The following GALNTL6 variants were observed in gnomAD, a reference collection of about 807,000 sequenced individuals.
The protein encoded by GALNTL6 is polypeptide N-acetylgalactosaminyltransferase-like 6.
Under a neutral mutation model 73.7 loss-of-function variants are expected in GALNTL6, and 46 were observed. That is an observed-to-expected ratio of 0.62 (90% CI 0.49 to 0.80). The LOEUF (loss-of-function observed/expected upper bound fraction) is 0.80. Ranked by LOEUF, GALNTL6 falls within the 30% of genes least tolerant of loss-of-function variation. GALNTL6 has a pLI of 0.00. For missense variants in GALNTL6, 604 were observed against 755.0 expected (o/e 0.80, Z 2.34); for synonymous variants, 259 against 263.7 (o/e 0.98, Z 0.17).
intron 5 of GALNTL6, among the ~76,000 whole-genome samples, chr4:172,402,836 A>T (rs1305216693): frequency 6.6e-6 from 1 of 152,088 alleles, no homozygotes; most frequent in Non-Finnish European, 1.5e-5. Context: ...GAACAAATTT[A>T]AAGTATACGA....
At chr4:173,005,986 C>A (rs139336523) in intron 10 of GALNTL6, among the ~76,000 whole-genome samples, 3 of 152,168 alleles carry the variant, frequency 2.0e-5, no homozygotes, top group Non-Finnish European at 1.5e-5. Context: ...AAAAACAAAA[C>A]AAGGCACTCC....
chr4:172,213,900 G>T (rs13122326), intron 2 of GALNTL6, among the ~76,000 whole-genome samples: 2,187 of 152,164 alleles, frequency 0.014, 56 homozygotes, highest in African/African-American at 0.05. Context: ...CTAAGATTTC[G>T]TGTAGGGGTT....
chr4:172,156,551 A>ATATATATAC (rs1734288631), intron 2 of GALNTL6, among the ~76,000 whole-genome samples: 3 of 134,616 alleles, frequency 2.2e-5, no homozygotes, highest in African/African-American at 9.0e-5. Context: ...ATATATATAT[A>ATATATATAC]TATATATATA....
At chr4:171,829,046 G>T (rs893091124) in intron 2 of GALNTL6, among the ~76,000 whole-genome samples, 2 of 152,048 alleles carry the variant, frequency 1.3e-5, no homozygotes, top group South Asian at 4.1e-4. Flanking sequence ...TATTTTATTG[G>T]TAAAGCCACT....
At chr4:172,489,133 C>T (rs1209462199) in intron 5 of GALNTL6, among the ~76,000 whole-genome samples, 1 of 152,218 alleles carries the variant, frequency 6.6e-6, no homozygotes, top group African/African-American at 2.4e-5. Flanking sequence ...CTCTGTCCTT[C>T]TCTAATTAAT....
chr4:172,262,899 A>T (rs2111039261), intron 3 of GALNTL6, among the ~76,000 whole-genome samples: 1 of 151,672 alleles, frequency 6.6e-6, no homozygotes, highest in South Asian at 2.1e-4. Context: ...CTAGATACAA[A>T]ATTCTTGGCT....
intron 2 of GALNTL6, among the ~76,000 whole-genome samples, chr4:171,995,209 A>T (rs17057837): frequency 0.035 from 5,349 of 152,094 alleles, 271 homozygotes; most frequent in African/African-American, 0.11. Context: ...AGATGGTGTT[A>T]AATAGAAAGA....
At chr4:172,738,569 T>G (rs1245298333) in intron 5 of GALNTL6, among the ~76,000 whole-genome samples, 1 of 147,830 alleles carries the variant, frequency 6.8e-6, no homozygotes, top group African/African-American at 2.6e-5. Flanking sequence ...GCAGAATACA[T>G]GATTATATAC....
rs142297564 is a variant in GALNTL6 at position 171,902,176 on chromosome 4, T to C, written c.138+87458T>C. Among the ~76,000 whole-genome samples the C allele has an allele frequency of 4.0e-3, 611 of 152,278 alleles. 5 individuals carry two copies. Among genetic ancestry groups the C allele is most frequent in the African/African-American group, 0.014 (580 of 41,550 alleles). On this transcript the variant is annotated intron_variant, in intron 2 of 12. Transcript: ENST00000506823. ...TTAGTTCCCATAGGTAAGAATCTAA[T>C]TGAAGCCTTAGGAGGGATGAGTTGT...
At chr4:172,627,256 T>A (rs1389684403) in intron 5 of GALNTL6, among the ~76,000 whole-genome samples, 1 of 152,156 alleles carries the variant, frequency 6.6e-6, no homozygotes, top group Non-Finnish European at 1.5e-5. Flanking sequence ...GATGATCATA[T>A]GGCTTTTGTT....
chr4:172,260,229 A>G (rs560128914), intron 3 of GALNTL6, among the ~76,000 whole-genome samples: 39 of 152,046 alleles, frequency 2.6e-4, no homozygotes, highest in Middle Eastern at 3.4e-3. Flanking sequence ...ATCCATGAGC[A>G]TGGAATGTGT....
intron 5 of GALNTL6, among the ~76,000 whole-genome samples, chr4:172,609,733 C>T (rs1738454315): frequency 6.6e-6 from 1 of 150,522 alleles, no homozygotes; most frequent in Non-Finnish European, 1.5e-5. Flanking sequence ...TGTTCCTCCT[C>T]TTCAAATTTT....
chr4:172,418,588 ATCAACCTGCAGG>A (rs1365171215), intron 5 of GALNTL6, among the ~76,000 whole-genome samples: 1 of 152,182 alleles, frequency 6.6e-6, no homozygotes, highest in African/African-American at 2.4e-5. Context: ...CCAAATTACA[ATCAACCTGCAGG>A]CTTATGACCA....
chr4:171,956,215 G>C (rs1419355970), intron 2 of GALNTL6, among the ~76,000 whole-genome samples: 1 of 152,074 alleles, frequency 6.6e-6, no homozygotes, highest in African/African-American at 2.4e-5. Context: ...ATGTTGCCCA[G>C]GATTGTCTTG....
chr4:171,864,651 C>T (rs964400551), intron 2 of GALNTL6, among the ~76,000 whole-genome samples: 3 of 152,096 alleles, frequency 2.0e-5, no homozygotes, highest in Non-Finnish European at 4.4e-5. Context: ...GTTTTGGCTT[C>T]ATTTTTAAGA....
intron 2 of GALNTL6, among the ~76,000 whole-genome samples, chr4:171,819,816 C>T (rs1237191571): frequency 1.3e-5 from 2 of 152,098 alleles, no homozygotes; most frequent in Non-Finnish European, 2.9e-5. Context: ...GATTGGCTTG[C>T]TTATGGGGAA....
chr4:171,993,405 C>T (rs796203903), intron 2 of GALNTL6, among the ~76,000 whole-genome samples: 2 of 152,202 alleles, frequency 1.3e-5, no homozygotes, highest in African/African-American at 2.4e-5. Flanking sequence ...GTATGGAGAA[C>T]TTCCTGCCAG....
chr4:172,263,048 A>C (rs1738312248), intron 3 of GALNTL6, among the ~76,000 whole-genome samples: 1 of 151,384 alleles, frequency 6.6e-6, no homozygotes, highest in Non-Finnish European at 1.5e-5. Context: ...ACAGCTCCTA[A>C]GATTGTTTCC....
intron 5 of GALNTL6, among the ~76,000 whole-genome samples, chr4:172,630,187 C>G: frequency 6.6e-6 from 1 of 152,054 alleles, no homozygotes; most frequent in Non-Finnish European, 1.5e-5. Context: ...AGGTTTTCAC[C>G]ACACCTAAAA....
Sources: gnomAD v4.1 joint callset for allele counts (sites outside exome capture counted in the v4.1 genomes callset) on GRCh38, gnomAD v4.1.1 for gene constraint, MANE v1.5 for transcripts, NCBI Gene and HGNC (gene_info 2026-07-23, HGNC 2026-07-21) for gene names.